Variants in SLC30A7 observed in about 807,000 individuals in gnomAD.
SLC30A7 encodes zinc transporter 7.
A neutral mutation model predicts 46.0 loss-of-function variants in SLC30A7; 35 were observed. The ratio of observed to expected loss-of-function variants is 0.76; its 90% CI spans 0.58 to 1.01. The LOEUF (loss-of-function observed/expected upper bound fraction) is 1.01. SLC30A7 is among the 50% of genes least tolerant of loss of function. SLC30A7 has a pLI of 0.00. For synonymous variants in SLC30A7, 147 were observed against 157.8 expected (o/e 0.93, Z 0.51); for missense variants, 464 against 451.1 (o/e 1.03, Z -0.26).
chr1:100,929,661 G>T (rs762465076), intron 8 of SLC30A7, among the ~76,000 whole-genome samples: 9 of 151,720 alleles, frequency 5.9e-5, no homozygotes, highest in Non-Finnish European at 7.4e-5. Flanking sequence ...CTTCTAGCTT[G>T]CCCAGCGTTC....
At chr1:100,933,273 C>T (rs1473451194) in intron 8 of SLC30A7, among the ~76,000 whole-genome samples, 1 of 152,024 alleles carries the variant, frequency 6.6e-6, no homozygotes, top group African/African-American at 2.4e-5. Flanking sequence ...CGTGCCTGGC[C>T]ACCACAATTT....
intron 3 of SLC30A7, 45 bp downstream of exon 3, chr1:100,907,010 T>C (rs371845202): frequency 1.3e-5 from 17 of 1,267,452 alleles, no homozygotes; most frequent in African/African-American, 7.5e-5. Context: ...GTATAAGATA[T>C]ACACAAAAAA....
rs1418975653 is a variant in SLC30A7, at chr1:100,976,455, G to A, written c.*1598G>A. 2 of 152,068 alleles carry A rather than the reference G, an allele frequency of 1.3e-5. No homozygotes were observed. Among genetic ancestry groups the A allele is most frequent in the South Asian group, 4.1e-4 (2 of 4,828 alleles). 9.4% of individuals were successfully genotyped at this position (152,068 alleles called of 1,614,324 possible). A position where few individuals can be genotyped will look rare whatever the true frequency, so the allele number is the denominator to read the frequency against. The stretch of plus-strand genomic sequence containing the variant: ...AGTAAGTGCTGAGTTGATTTTCTAG[G>A]TTCTTACGTATTTGAAAAATAAAAT... On this transcript the variant is annotated 3_prime_UTR_variant, in exon 11 of 11. Transcript: ENST00000357650.
chr1:100,899,229 A>G (rs1319971743), intron 2 of SLC30A7, among the ~76,000 whole-genome samples: 3 of 152,202 alleles, frequency 2.0e-5, no homozygotes, highest in Non-Finnish European at 4.4e-5. Flanking sequence ...TACATAGCAC[A>G]TAGTGGATGC....
intron 3 of SLC30A7, 94 bp downstream of exon 3, chr1:100,907,059 C>T (rs1443150999): frequency 2.2e-5 from 17 of 785,176 alleles, no homozygotes; most frequent in Admixed American, 1.0e-4. Context: ...ACCAATTGAA[C>T]ACAGGTGTAA....
chr1:100,920,064 CACTT>C (rs1180526120), intron 7 of SLC30A7, among the ~76,000 whole-genome samples: 10 of 151,954 alleles, frequency 6.6e-5, no homozygotes, highest in Admixed American at 6.6e-5. Flanking sequence ...GTTTTAATGA[CACTT>C]ACTAATAAAA....
chr1:100,959,714 T>C (rs1655431372), intron 8 of SLC30A7, among the ~76,000 whole-genome samples: 1 of 152,182 alleles, frequency 6.6e-6, no homozygotes, highest in Non-Finnish European at 1.5e-5. Flanking sequence ...TTTTACTTAA[T>C]CTTGGCAGTG....
chr1:100,945,266 G>A (rs1299183233), intron 8 of SLC30A7, among the ~76,000 whole-genome samples: 3 of 152,076 alleles, frequency 2.0e-5, no homozygotes, highest in Non-Finnish European at 4.4e-5. Context: ...AGTTTCTTTT[G>A]CTGTGCAGAA....
chr1:100,953,616 C>T (rs575053365), intron 8 of SLC30A7, among the ~76,000 whole-genome samples: 5 of 152,280 alleles, frequency 3.3e-5, no homozygotes, highest in African/African-American at 1.2e-4. Context: ...TGGAGTGGGG[C>T]AGTTCCTCCA....
chr1:100,906,975 T>G lies in SLC30A7; in HGVS notation c.296+10T>G, dbSNP rs756543862. Reference sequence around the variant, plus strand: ...ATGCTTTCTCCTATGGGTAAGACTTTAAGAAAAAAAATCTTTTTATTGAAG... The same window carrying G: ...ATGCTTTCTCCTATGGGTAAGACTTGAAGAAAAAAAATCTTTTTATTGAAG... On this transcript the variant is annotated intron_variant, in intron 3 of 10. Transcript: ENST00000357650. 6.5e-7 allele frequency: 1 copy of G among 1,543,568 alleles called. No homozygotes were observed. Among genetic ancestry groups the G allele is most frequent in the South Asian group, 1.1e-5 (1 of 87,770 alleles).
intron 2 of SLC30A7, among the ~76,000 whole-genome samples, chr1:100,905,289 TA>T (rs1270244255): frequency 6.6e-6 from 1 of 152,124 alleles, no homozygotes; most frequent in African/African-American, 2.4e-5. Context: ...ATTTTATCTT[TA>T]TTTTTTTAAT....
rs373746616 is a variant in SLC30A7, at chr1:100,896,688, A to C, written c.182+17A>C. 406 of 1,608,474 alleles carry C rather than the reference A, an allele frequency of 2.5e-4. No individual in the cohort carries two copies. Among genetic ancestry groups the C allele is most frequent in the Non-Finnish European group, 3.3e-4 (383 of 1,175,480 alleles). On this transcript the variant is annotated intron_variant, in intron 2 of 10. Transcript: ENST00000357650. ...GAGCAACTGGTAACCAAAGGGGAAAATGGTTTGGGCGGAAGCTGGGTGTGA... is the reference window on the plus strand; with the variant it reads ...GAGCAACTGGTAACCAAAGGGGAAACTGGTTTGGGCGGAAGCTGGGTGTGA...
At chr1:100,973,506 C>T (rs1422780241) in intron 10 of SLC30A7, among the ~76,000 whole-genome samples, 1 of 151,818 alleles carries the variant, frequency 6.6e-6, no homozygotes. Context: ...TTCTAGGAGT[C>T]AGCAATGTAA....
the SLC30A7 span, among the ~76,000 whole-genome samples, chr1:100,994,068 A>G: frequency 6.6e-6 from 1 of 152,130 alleles, no homozygotes; most frequent in East Asian, 1.9e-4. Context: ...TTAATATTTT[A>G]ATTAATCCAA....
At chr1:100,920,906 G>A (rs1220399526) in intron 7 of SLC30A7, among the ~76,000 whole-genome samples, 1 of 151,974 alleles carries the variant, frequency 6.6e-6, no homozygotes, top group Non-Finnish European at 1.5e-5. Context: ...TAGAAATTTT[G>A]TATTAAAGAT....
chr1:100,990,738 C>A, the SLC30A7 span: 1 of 1,051,508 alleles, frequency 9.5e-7, no homozygotes, highest in Non-Finnish European at 1.4e-6. Flanking sequence ...CCCCAAATAT[C>A]TTAAATCTCT....
the SLC30A7 span, among the ~76,000 whole-genome samples, chr1:100,994,834 C>T: frequency 6.6e-6 from 1 of 152,128 alleles, no homozygotes. Context: ...GCCTCACACC[C>T]ATGTTTTCAG....
intron 8 of SLC30A7, among the ~76,000 whole-genome samples, chr1:100,949,346 A>G (rs1654830436): frequency 6.6e-6 from 1 of 152,152 alleles, no homozygotes; most frequent in African/African-American, 2.4e-5. Context: ...GAGGCTGCAG[A>G]ACAGCAAATA....
At position 100,974,836 on chromosome 1, in the gene SLC30A7, G is replaced by T. The variant is rs372802850; in HGVS notation, c.1110G>T (p.Gln370His). The T allele has an allele frequency of 5.8e-5, 93 of 1,598,440 alleles. No individual in the cohort carries two copies. The highest frequency in any genetic ancestry group is 7.5e-5 in the Non-Finnish European group (88 of 1,169,310). The change falls in exon 11 of 11, where the codon CAG becomes CAT. Residue 370 changes from glutamine (Q) to histidine (H), a missense_variant. Gln to His is a conservative substitution (Grantham distance 24). Transcript: ENST00000357650. ...TQAGVRQLYV[Q>H]IDFAAM ...CTGGAGTGAGACAGCTCTACGTACA[G>T]ATTGACTTTGCAGCCATGTAGTGAA...
Sources: allele counts gnomAD v4.1 joint callset (sites outside exome capture counted in the v4.1 genomes callset), GRCh38; gene constraint gnomAD v4.1.1; transcripts MANE v1.5; gene names NCBI Gene and HGNC (gene_info 2026-07-23, HGNC 2026-07-21).